ING5: variants seen among roughly 807,000 people sequenced by gnomAD.
ING5 encodes inhibitor of growth protein 5.
A neutral mutation model predicts 37.4 loss-of-function variants in ING5; 17 were observed. That is an observed-to-expected ratio of 0.45 (90% CI 0.31 to 0.68). The LOEUF is 0.68. ING5 is among the 30% of genes least tolerant of loss of function. ING5 has a pLI of 0.05. For synonymous variants in ING5, 123 were observed against 116.6 expected, an observed-to-expected ratio of 1.06 and a Z score of -0.36; for missense variants, 233 against 311.9, an observed-to-expected ratio of 0.75 and a Z score of 1.91.
intron 5 of ING5, among the ~76,000 whole-genome samples, chr2:241,713,395 G>A (rs1182212253): frequency 7.4e-6 from 1 of 134,762 alleles, no homozygotes; most frequent in Non-Finnish European, 1.6e-5. Flanking sequence ...TTTTGAGATG[G>A]AGTCTTGCTC....
rs74531510 is a variant in ING5, at chr2:241,714,082, C to T, written c.482+2011C>T. Reference sequence around the variant, plus strand: ...GAACAAACATGGTTTAATTAATTTCCGTAAAGTGAAGATCTTTGTAAGTAG... The same window carrying T: ...GAACAAACATGGTTTAATTAATTTCTGTAAAGTGAAGATCTTTGTAAGTAG... On this transcript the variant is annotated intron_variant, in intron 5 of 7. Transcript: ENST00000313552. Among the ~76,000 whole-genome samples, 9 of 151,956 alleles carry T rather than the reference C, an allele frequency of 5.9e-5. No homozygotes were observed. In the East Asian group the frequency reaches 1.7e-3, roughly 29 times the overall value.
chr2:241,687,123 C>T (rs939303360), exon 1 of ING5: 4 of 388,770 alleles, frequency 1.0e-5, no homozygotes, highest in East Asian at 3.7e-5. Flanking sequence ...GGTCAGGGCG[C>T]GGACGAGGGG....
At chr2:241,699,827 C>T (rs1477859582), upstream of ING5, among the ~76,000 whole-genome samples, 1 of 152,000 alleles carries the variant, frequency 6.6e-6, no homozygotes, top group Non-Finnish European at 1.5e-5. Context: ...CCATGAAAGA[C>T]CTGCCAGAGA....
intron 5 of ING5, among the ~76,000 whole-genome samples, chr2:241,718,403 T>TC (rs1458324627): frequency 7.4e-6 from 1 of 134,394 alleles, no homozygotes; most frequent in Non-Finnish European, 1.6e-5. Context: ...CTTCCTTCCT[T>TC]CTTTTCTCTT....
At chr2:241,697,175 C>T (rs1382623718), upstream of ING5, among the ~76,000 whole-genome samples, 1 of 151,918 alleles carries the variant, frequency 6.6e-6, no homozygotes, top group Non-Finnish European at 1.5e-5. Flanking sequence ...GTGGCTCATG[C>T]CTGTAATCCT....
At chr2:241,719,357 GCCCCCAAC>G (rs1438409886) in intron 5 of ING5, 3 of 649,050 alleles carry the variant, frequency 4.6e-6, no homozygotes, top group Non-Finnish European at 5.5e-6. Flanking sequence ...GGCGGACGCC[GCCCCCAAC>G]CCCCCAACAC....
Position 241,723,196 on chromosome 2 carries a change from C to T in ING5, c.619-14C>T. Reference sequence around the variant, plus strand: ...TGAGGCGTGTTGACTGCGGTTTCTCCCTTTACTTTGCAGTGTCCAATTGAG... The same window carrying T: ...TGAGGCGTGTTGACTGCGGTTTCTCTCTTTACTTTGCAGTGTCCAATTGAG... On this transcript the variant is annotated splice_polypyrimidine_tract_variant and intron_variant, in intron 6 of 7. Transcript: ENST00000313552. The T allele has an allele frequency of 1.2e-6, 2 of 1,614,212 alleles. No individual in the cohort carries two copies. Among genetic ancestry groups the T allele is most frequent in the East Asian group, 2.2e-5 (1 of 44,882 alleles).
chr2:241,722,010 G>C (rs887775494), intron 5 of ING5: 1 of 985,346 alleles, frequency 1.0e-6, no homozygotes, highest in African/African-American at 1.7e-5. Flanking sequence ...CCCTGTGCCA[G>C]GTGGACAGCT....
chr2:241,709,051 T>A, intron 2 of ING5, 165 bp from the exon 3 acceptor site: 1 of 682,842 alleles, frequency 1.5e-6, no homozygotes, highest in Non-Finnish European at 2.6e-6. Flanking sequence ...AGACTGTTTG[T>A]GCAGAACGGT....
chr2:241,724,777 C>G, intron 7 of ING5: 1 of 587,608 alleles, frequency 1.7e-6, no homozygotes, highest in East Asian at 2.8e-5. Context: ...GATGGTGTAT[C>G]TGTCAGCTTC....
At chr2:241,704,846 C>G (rs974289447) in intron 2 of ING5, 122 bp downstream of exon 2, 9 of 773,718 alleles carry the variant, frequency 1.2e-5, no homozygotes, top group Non-Finnish European at 2.1e-5. Context: ...TGGCCTAGCC[C>G]TGGGCCGTGG....
At chr2:241,724,372 G>A (rs1691523472) in intron 7 of ING5, among the ~76,000 whole-genome samples, 1 of 152,378 alleles carries the variant, frequency 6.6e-6, no homozygotes, top group Middle Eastern at 3.4e-3. Flanking sequence ...TACGGAGGCT[G>A]TTAGGGCGGA....
intron 5 of ING5, chr2:241,721,118 G>A (rs1038342428): frequency 1.2e-5 from 12 of 985,602 alleles, no homozygotes; most frequent in African/African-American, 1.7e-5. Flanking sequence ...TTTCGGGGAC[G>A]GTTGGCAGCA....
chr2:241,698,394 G>A (rs940738013), upstream of ING5, among the ~76,000 whole-genome samples: 4 of 151,126 alleles, frequency 2.6e-5, no homozygotes, highest in African/African-American at 7.3e-5. Context: ...GCAGTGAGCC[G>A]AGCCCAGCTA....
In ING5 at chr2:241,721,106, C is replaced by T. The variant is rs911288854; in HGVS notation, c.483-1833C>T. ...TCGGCGCAGAAGAGGAGGGCGTCAGCGTTTCGGGGACGGTTGGCAGCAGAG... is the reference window on the plus strand; with the variant it reads ...TCGGCGCAGAAGAGGAGGGCGTCAGTGTTTCGGGGACGGTTGGCAGCAGAG... On this transcript the variant is annotated intron_variant, in intron 5 of 7. Transcript: ENST00000313552. 3.2e-5 allele frequency: 32 copies of T among 985,492 alleles called. No homozygotes were observed. In the African/African-American group the frequency reaches 4.9e-4, roughly 15 times the overall value. 61.0% of individuals were successfully genotyped at this position (985,492 alleles called of 1,614,324 possible).
upstream of ING5, among the ~76,000 whole-genome samples, chr2:241,699,185 C>G (rs2069677642): frequency 6.6e-6 from 1 of 151,336 alleles, no homozygotes. Context: ...CCCACCACGC[C>G]TGGCTAATTT....
chr2:241,700,359 G>A (rs1254957189), upstream of ING5, among the ~76,000 whole-genome samples: 1 of 151,642 alleles, frequency 6.6e-6, no homozygotes, highest in Non-Finnish European at 1.5e-5. Flanking sequence ...GGGTTTCACC[G>A]TGTTAGGCAG....
chr2:241,695,037 A>C (rs1465760749), intron 2 of ING5, among the ~76,000 whole-genome samples: 1 of 147,374 alleles, frequency 6.8e-6, no homozygotes, highest in Non-Finnish European at 1.5e-5. Flanking sequence ...AGGACTGGTA[A>C]GACAATGTGG....
chr2:241,723,504 G>A (rs1235069433), intron 7 of ING5, among the ~76,000 whole-genome samples: 2 of 152,230 alleles, frequency 1.3e-5, no homozygotes, highest in African/African-American at 2.4e-5. Flanking sequence ...GAGGGATGCC[G>A]TCACCCAGGA....
Sources: gnomAD v4.1 joint callset for allele counts (sites outside exome capture counted in the v4.1 genomes callset) on GRCh38, gnomAD v4.1.1 for gene constraint, MANE v1.5 for transcripts, NCBI Gene and HGNC (gene_info 2026-07-23, HGNC 2026-07-21) for gene names.